The following SGK1 variants were observed in gnomAD, a reference collection of about 807,000 sequenced individuals.
SGK1 encodes the protein serine/threonine-protein kinase Sgk1.
A neutral mutation model predicts 64.2 loss-of-function variants in SGK1; 26 were observed. The ratio of observed to expected loss-of-function variants is 0.40; its 90% CI spans 0.30 to 0.56. The LOEUF is 0.56. Ranked by LOEUF, SGK1 falls within the 20% of genes least tolerant of loss-of-function variation. The probability of loss-of-function intolerance (pLI) is 0.38; values close to 1 mark genes in which losing one functional copy is unlikely to be tolerated. For missense variants in SGK1, 519 were observed against 645.6 expected (o/e 0.80, Z 2.12); for synonymous variants, 265 against 239.7 (o/e 1.11, Z -0.98).
intron 1 of SGK1, among the ~76,000 whole-genome samples, chr6:134,309,368 CCTG>C (rs1046536614): frequency 6.6e-6 from 1 of 152,148 alleles, no homozygotes; most frequent in Non-Finnish European, 1.5e-5. Flanking sequence ...TCCTCCTCCT[CCTG>C]CACCTCCTTC....
intron 2 of SGK1, among the ~76,000 whole-genome samples, chr6:134,256,587 C>T (rs564249736): frequency 1.3e-5 from 2 of 152,200 alleles, no homozygotes; most frequent in Non-Finnish European, 2.9e-5. Context: ...TTTGTGAATA[C>T]GTTTAGTCAG....
intron 11 of SGK1, 149 bp from the exon 12 acceptor site, chr6:134,171,327 T>C (rs1775016952): frequency 1.3e-6 from 1 of 780,000 alleles, no homozygotes. Context: ...CCTTGCTATT[T>C]AAGTGTCTAC....
chr6:134,246,024 A>T (rs1369531666), intron 2 of SGK1, among the ~76,000 whole-genome samples: 1 of 152,228 alleles, frequency 6.6e-6, no homozygotes, highest in Non-Finnish European at 1.5e-5. Context: ...GCTTGGATTA[A>T]TAAGTTTGGT....
intron 2 of SGK1, among the ~76,000 whole-genome samples, chr6:134,216,446 A>T (rs1169146018): frequency 6.6e-6 from 1 of 152,240 alleles, no homozygotes; most frequent in African/African-American, 2.4e-5. Context: ...CTGGTATCAT[A>T]GGATATAATA....
At chr6:134,241,668 T>C in intron 2 of SGK1, among the ~76,000 whole-genome samples, 1 of 152,206 alleles carries the variant, frequency 6.6e-6, no homozygotes, top group East Asian at 1.9e-4. Flanking sequence ...TCACCCAGGC[T>C]GGAGTGCAGT....
rs535396148 is a variant in SGK1 at position 134,241,822 on chromosome 6, G to A, written c.285+20111C>T. Among the ~76,000 whole-genome samples, 18 of 151,696 alleles carry A rather than the reference G, an allele frequency of 1.2e-4. No individual in the cohort carries two copies. In the East Asian group the frequency reaches 2.4e-3, roughly 20 times the overall value. ...TTTTTAGTAGAGACGGCGTTTCACC[G>A]CGTTAGCCAGGATGGTCTCGATCTC... is the stretch of plus-strand genomic sequence containing the variant. On this transcript the variant is annotated intron_variant, in intron 2 of 13. Coordinates refer to ENST00000367858, the MANE Select transcript of SGK1 (RefSeq NM_001143676.3).
chr6:134,190,086 G>A (rs1348386557), intron 3 of SGK1, among the ~76,000 whole-genome samples: 1 of 152,190 alleles, frequency 6.6e-6, no homozygotes, highest in Non-Finnish European at 1.5e-5. Context: ...CTGACCTCAA[G>A]TGATCGGCCC....
At chr6:134,227,873 T>C (rs182249880) in intron 2 of SGK1, among the ~76,000 whole-genome samples, 3 of 152,072 alleles carry the variant, frequency 2.0e-5, no homozygotes, top group Admixed American at 2.0e-4. Flanking sequence ...TTAAATATAT[T>C]TCTTTTAACT....
chr6:134,179,507 T>TC (rs1775299639), intron 3 of SGK1, among the ~76,000 whole-genome samples: 1 of 151,042 alleles, frequency 6.6e-6, no homozygotes. Context: ...TTTTTTTTTT[T>TC]TTTTTTACAG....
intron 2 of SGK1, among the ~76,000 whole-genome samples, chr6:134,240,029 C>T (rs761784329): frequency 2.8e-4 from 42 of 152,226 alleles, no homozygotes; most frequent in Non-Finnish European, 2.1e-4. Context: ...CAGTGGCTCA[C>T]GCCTGTAATC....
intron 3 of SGK1, among the ~76,000 whole-genome samples, chr6:134,201,362 A>C (rs1775681547): frequency 7.7e-6 from 1 of 130,644 alleles, no homozygotes. Flanking sequence ...ACCCAGCCTT[A>C]TTTCTTTTTC....
At chr6:134,170,736 G>GTATT in intron 13 of SGK1, 90 bp downstream of exon 13, 1 of 877,512 alleles carries the variant, frequency 1.1e-6, no homozygotes, top group South Asian at 1.6e-5. Flanking sequence ...ATCTGCCAAT[G>GTATT]TATTCCTTCC....
At chr6:134,183,848 A>ACCCCACCCCAC (rs1775374860) in intron 3 of SGK1, among the ~76,000 whole-genome samples, 1 of 80,128 alleles carries the variant, frequency 1.2e-5, no homozygotes, top group South Asian at 5.9e-4. Context: ...ACCTGTCCCC[A>ACCCCACCCCAC]CCCCACCCCC....
At chr6:134,287,895 G>A (rs1777210299) in intron 1 of SGK1, among the ~76,000 whole-genome samples, 1 of 152,130 alleles carries the variant, frequency 6.6e-6, no homozygotes, top group Admixed American at 6.6e-5. Flanking sequence ...CAGGAGCTTT[G>A]TGAAGTTACT....
intron 1 of SGK1, among the ~76,000 whole-genome samples, chr6:134,275,072 G>T (rs1263894505): frequency 6.6e-6 from 1 of 152,114 alleles, no homozygotes; most frequent in East Asian, 1.9e-4. Flanking sequence ...GCCTCCCAAA[G>T]TGCTGGTATT....
At chr6:134,301,598 C>A (rs904160539) in intron 1 of SGK1, among the ~76,000 whole-genome samples, 2 of 149,626 alleles carry the variant, frequency 1.3e-5, no homozygotes, top group African/African-American at 5.0e-5. Context: ...CTTCTCTTCT[C>A]TTTTCTTTTT....
At chr6:134,177,874 AT>A in intron 3 of SGK1, 2 of 1,551,206 alleles carry the variant, frequency 1.3e-6, no homozygotes, top group Middle Eastern at 1.7e-4. Flanking sequence ...ACCCCACTTT[AT>A]ATCAAGGCAA....
At chr6:134,296,564 C>T (rs1164116380) in intron 1 of SGK1, among the ~76,000 whole-genome samples, 1 of 152,110 alleles carries the variant, frequency 6.6e-6, no homozygotes, top group Non-Finnish European at 1.5e-5. Flanking sequence ...TCAAGCAACC[C>T]TCTTGCCTCA....
At chr6:134,183,472 GA>G (rs1174379955) in intron 3 of SGK1, among the ~76,000 whole-genome samples, 1 of 152,180 alleles carries the variant, frequency 6.6e-6, no homozygotes, top group Admixed American at 6.5e-5. Context: ...CTTAAGCCCT[GA>G]ATCTAACAAG....
Sources: gnomAD v4.1 joint callset for allele counts (sites outside exome capture counted in the v4.1 genomes callset) on GRCh38, gnomAD v4.1.1 for gene constraint, MANE v1.5 for transcripts, NCBI Gene and HGNC (gene_info 2026-07-23, HGNC 2026-07-21) for gene names.